SHLD2: variants seen among roughly 807,000 people sequenced by gnomAD.
The protein encoded by SHLD2 is shieldin complex subunit 2.
Under a neutral mutation model 73.2 loss-of-function variants are expected in SHLD2, and 30 were observed. That is an observed-to-expected ratio of 0.41 (90% CI 0.31 to 0.56). The LOEUF is 0.56. SHLD2 is among the 20% of genes least tolerant of loss of function. SHLD2 has a pLI of 0.28. For synonymous variants in SHLD2, 285 were observed against 370.1 expected (o/e 0.77, Z 2.64); for missense variants, 745 against 1,055.9 (o/e 0.71, Z 4.08).
chr10:87,159,489 A>C (rs1846662175), intron 4 of SHLD2, among the ~76,000 whole-genome samples: 1 of 152,218 alleles, frequency 6.6e-6, no homozygotes, highest in African/African-American at 2.4e-5. Context: ...TGAAACAGAC[A>C]TATAAGTAAA....
intron 4 of SHLD2, among the ~76,000 whole-genome samples, chr10:87,167,994 T>C (rs538011819): frequency 6.6e-6 from 1 of 152,310 alleles, no homozygotes; most frequent in African/African-American, 2.4e-5. Context: ...GTTGGTAGGC[T>C]GTGTAGAAAA....
chr10:87,160,782 G>A (rs984233443), intron 4 of SHLD2, among the ~76,000 whole-genome samples: 12 of 152,100 alleles, frequency 7.9e-5, no homozygotes, highest in Non-Finnish European at 1.3e-4. Context: ...TTGAGGCCAG[G>A]AGTTTGGGAC....
At chr10:87,158,024 T>G in intron 3 of SHLD2, 24 bp from the exon 4 acceptor site, 1 of 1,603,938 alleles carries the variant, frequency 6.2e-7, no homozygotes, top group Non-Finnish European at 8.5e-7. Flanking sequence ...TATGGCATGA[T>G]CAGAACGTTT....
At chr10:87,099,867 A>G (rs918272979) in intron 2 of SHLD2, among the ~76,000 whole-genome samples, 2 of 152,220 alleles carry the variant, frequency 1.3e-5, no homozygotes, top group African/African-American at 4.8e-5. Context: ...GATGACTAAT[A>G]AAATTTAGCA....
intron 2 of SHLD2, among the ~76,000 whole-genome samples, chr10:87,138,668 C>T (rs1167325625): frequency 2.6e-5 from 4 of 152,192 alleles, no homozygotes; most frequent in Admixed American, 1.3e-4. Context: ...TATGTAATCT[C>T]TAGAACAAGC....
intron 4 of SHLD2, among the ~76,000 whole-genome samples, chr10:87,168,270 A>G (rs1332622574): frequency 2.0e-5 from 3 of 152,158 alleles, no homozygotes; most frequent in African/African-American, 7.2e-5. Context: ...AATGTGGTAC[A>G]TATACACCAT....
At chr10:87,095,539 C>G (rs376954718) in intron 1 of SHLD2, among the ~76,000 whole-genome samples, 3 of 152,182 alleles carry the variant, frequency 2.0e-5, no homozygotes, top group Admixed American at 1.3e-4. Context: ...GAGCCGCCGC[C>G]GCGTAAGGCC....
chr10:87,190,818 T>C lies in SHLD2; in HGVS notation c.*135T>C, dbSNP rs577203551. On this transcript the variant is annotated 3_prime_UTR_variant, in exon 10 of 10. Transcript: ENST00000298786. ...TTTACAAAGAGAATTGCACTAGATA[T>C]ATAAATTAAAACTTTTTTCTAAGAA... is the stretch of plus-strand genomic sequence containing the variant. 17 of 707,148 alleles carry C rather than the reference T, an allele frequency of 2.4e-5. No individual in the cohort carries two copies. Among genetic ancestry groups the C allele is most frequent in the Non-Finnish European group, 3.9e-5 (17 of 431,854 alleles). 43.8% of individuals were successfully genotyped at this position (707,148 alleles called of 1,614,324 possible).
At position 87,152,702 on chromosome 10, in the gene SHLD2, T is replaced by G; in HGVS notation, c.1348T>G (p.Ser450Ala). 1.2e-6 allele frequency: 2 copies of G among 1,611,562 alleles called. No homozygotes were observed. The highest frequency in any genetic ancestry group is 2.2e-5 in the South Asian group (2 of 90,922). ...QKYNCLVMVL[S>A]PCHVKEINIK... Reference sequence around the variant, plus strand: ...GTATAATTGTTTAGTCATGGTGCTATCTCCATGCCATGTGAAGGAAATAAA... The same window carrying G: ...GTATAATTGTTTAGTCATGGTGCTAGCTCCATGCCATGTGAAGGAAATAAA... Residue 450 changes from serine to alanine, a missense_variant, in exon 3 of 10, where the codon TCT becomes GCT. Transcript: ENST00000298786.
chr10:87,165,350 A>G (rs889461995), intron 4 of SHLD2, among the ~76,000 whole-genome samples: 2 of 152,218 alleles, frequency 1.3e-5, no homozygotes, highest in African/African-American at 4.8e-5. Context: ...TATCTCCCCA[A>G]GATACCAGCA....
intron 2 of SHLD2, among the ~76,000 whole-genome samples, chr10:87,137,719 C>A (rs572121945): frequency 1.3e-5 from 2 of 152,204 alleles, no homozygotes; most frequent in South Asian, 4.2e-4. Flanking sequence ...CAGCAAATCC[C>A]AAGCAAGTTA....
At position 87,142,582 on chromosome 10, in the gene SHLD2, C is replaced by T. The variant is rs556363238; in HGVS notation, c.-5-8768C>T. Among the ~76,000 whole-genome samples, 880 of 151,994 alleles carry T rather than the reference C, an allele frequency of 5.8e-3. 6 individuals are homozygous for T. The highest frequency in any genetic ancestry group is 0.019 in the African/African-American group (782 of 41,406). ...GAAAAGTGGTCAAACCCTGAATGAACGTTAAAGATAGGACCAAAAGGATTT... is the reference window on the plus strand; with the variant it reads ...GAAAAGTGGTCAAACCCTGAATGAATGTTAAAGATAGGACCAAAAGGATTT... On this transcript the variant is annotated intron_variant, in intron 2 of 9. Transcript: ENST00000298786.
chr10:87,111,794 A>G (rs532671134), intron 2 of SHLD2, among the ~76,000 whole-genome samples: 111 of 152,030 alleles, frequency 7.3e-4, no homozygotes, highest in Non-Finnish European at 1.3e-3. Flanking sequence ...AAAAACTTCT[A>G]TGTTTCAAAG....
chr10:87,141,579 A>G (rs1465737744), intron 2 of SHLD2, among the ~76,000 whole-genome samples: 2 of 152,050 alleles, frequency 1.3e-5, no homozygotes, highest in South Asian at 2.1e-4. Flanking sequence ...CTGGTGTTCT[A>G]TTGCACAGTG....
At chr10:87,159,987 GTTTT>G (rs756848887) in intron 4 of SHLD2, among the ~76,000 whole-genome samples, 2 of 152,126 alleles carry the variant, frequency 1.3e-5, no homozygotes, top group African/African-American at 4.8e-5. Flanking sequence ...AAATTTAAAA[GTTTT>G]TTAAATAATA....
chr10:87,113,730 A>C (rs1337689221), intron 2 of SHLD2, among the ~76,000 whole-genome samples: 1 of 152,106 alleles, frequency 6.6e-6, no homozygotes, highest in Non-Finnish European at 1.5e-5. Flanking sequence ...GTATAGGCCA[A>C]GTGCAGTGGC....
rs375051873 is a variant in SHLD2, at chr10:87,163,936, ATTTTCTTTTC to A, written c.1633+5801_1633+5810del. Among the ~76,000 whole-genome samples, 232 of 144,980 alleles carry A rather than the reference ATTTTCTTTTC, an allele frequency of 1.6e-3. 1 individual carries two copies. The highest frequency in any genetic ancestry group is 4.5e-3 in the African/African-American group (178 of 39,130). On this transcript the variant is annotated intron_variant, in intron 4 of 9. Coordinates refer to ENST00000298786, the MANE Select transcript of SHLD2 (RefSeq NM_001330112.2). ...GGTGCCCAGATCTTCATCTGTAAACATTTTCTTTTCTTTTCTTTTCTTTTCTTTTTTTTTT... is the reference window on the plus strand; with the variant it reads ...GGTGCCCAGATCTTCATCTGTAAACATTTTCTTTTCTTTTCTTTTTTTTTT...
At position 87,174,990 on chromosome 10, in the gene SHLD2, G is replaced by A. The variant is rs183306301; in HGVS notation, c.1964-899G>A. On this transcript the variant is annotated intron_variant, in intron 6 of 9. Coordinates refer to ENST00000298786, the MANE Select transcript of SHLD2 (RefSeq NM_001330112.2). Reference sequence around the variant, plus strand: ...AATTTAGCCGGGCGTGGTGGCGGGCGCCTGTAGTCCCAGCTACTCCGGAGG... The same window carrying A: ...AATTTAGCCGGGCGTGGTGGCGGGCACCTGTAGTCCCAGCTACTCCGGAGG... Among the ~76,000 whole-genome samples the A allele has an allele frequency of 7.8e-3, 1,188 of 151,988 alleles. 18 individuals carry two copies. The highest frequency in any genetic ancestry group is 0.027 in the African/African-American group (1,128 of 41,490).
chr10:87,141,508 A>G (rs966995350), intron 2 of SHLD2, among the ~76,000 whole-genome samples: 4 of 151,930 alleles, frequency 2.6e-5, no homozygotes, highest in Non-Finnish European at 4.4e-5. Context: ...CACCCAGCTA[A>G]TTTTCATATT....
Sources: allele counts gnomAD v4.1 joint callset (sites outside exome capture counted in the v4.1 genomes callset), GRCh38; gene constraint gnomAD v4.1.1; transcripts MANE v1.5; gene names NCBI Gene and HGNC (gene_info 2026-07-23, HGNC 2026-07-21).